The following HEATR5A variants were observed in gnomAD, a reference collection of about 807,000 sequenced individuals.
The protein encoded by HEATR5A is HEAT repeat containing 5A.
Under a neutral mutation model 218.8 loss-of-function variants are expected in HEATR5A, and 178 were observed. That is an observed-to-expected ratio of 0.81 (90% CI 0.72 to 0.92). The LOEUF (loss-of-function observed/expected upper bound fraction) is 0.92, where lower values mean the gene tolerates loss of function less well. HEATR5A is among the 40% of genes least tolerant of loss of function. The pLI is 0.00. For missense variants in HEATR5A, 2,420 were observed against 2,418.9 expected, an observed-to-expected ratio of 1.00 and a Z score of -0.01; for synonymous variants, 864 against 871.6, an observed-to-expected ratio of 0.99 and a Z score of 0.15.
intron 28 of HEATR5A, among the ~76,000 whole-genome samples, chr14:31,310,369 G>A (rs926635372): frequency 5.9e-5 from 9 of 152,170 alleles, no homozygotes; most frequent in Non-Finnish European, 1.3e-4. Context: ...GCCAGGCACA[G>A]TGGCTCATGC....
At chr14:31,309,227 A>T in intron 28 of HEATR5A, 45 bp from the exon 29 acceptor site, 1 of 1,588,246 alleles carries the variant, frequency 6.3e-7, no homozygotes, top group Middle Eastern at 1.7e-4. Flanking sequence ...AACTTCCAAT[A>T]TATTTTCTCT....
intron 28 of HEATR5A, 43 bp downstream of exon 28, chr14:31,312,925 T>A (rs552325592): frequency 2.5e-5 from 35 of 1,415,202 alleles, no homozygotes; most frequent in South Asian, 1.6e-4. Context: ...AGAAAATGTG[T>A]TACTGTCACT....
intron 14 of HEATR5A, 92 bp from the exon 15 acceptor site, chr14:31,359,149 C>T: frequency 4.1e-6 from 5 of 1,229,052 alleles, no homozygotes; most frequent in Non-Finnish European, 4.5e-6. Context: ...AATGCACCCA[C>T]TGGCCAACTT....
At chr14:31,396,014 T>C (rs1267409202) in intron 4 of HEATR5A, among the ~76,000 whole-genome samples, 1 of 152,150 alleles carries the variant, frequency 6.6e-6, no homozygotes, top group Non-Finnish European at 1.5e-5. Flanking sequence ...ATGAACCTCA[T>C]GGGTAAACAT....
intron 25 of HEATR5A, 32 bp from the exon 26 acceptor site, chr14:31,318,324 C>G (rs1450278614): frequency 1.3e-6 from 2 of 1,554,806 alleles, no homozygotes; most frequent in South Asian, 2.2e-5. Flanking sequence ...TATCAAACAT[C>G]AAGAAGTAAG....
Position 31,308,919 on chromosome 14 carries a change from A to G in HEATR5A, c.4690+15T>C. 1 of 1,598,796 alleles carries G rather than the reference A, an allele frequency of 6.3e-7. No homozygotes were observed. Among genetic ancestry groups the G allele is most frequent in the Non-Finnish European group, 8.5e-7 (1 of 1,170,468 alleles). On this transcript the variant is annotated intron_variant, in intron 29 of 35. Coordinates refer to ENST00000543095, the MANE Select transcript of HEATR5A (RefSeq NM_015473.4). Reference sequence around the variant, plus strand: ...ACCCCTAAGGTTGTAAACTTGTAAAAGTGGTTTAACTGACCTAAAATAAGA... The same window carrying G: ...ACCCCTAAGGTTGTAAACTTGTAAAGGTGGTTTAACTGACCTAAAATAAGA...
chr14:31,321,492 T>G lies in HEATR5A; in HGVS notation c.3969+7A>C. The G allele has an allele frequency of 6.4e-7, 1 of 1,565,902 alleles. No individual in the cohort carries two copies. The highest frequency in any genetic ancestry group is 8.7e-7 in the Non-Finnish European group (1 of 1,155,230). The stretch of plus-strand genomic sequence containing the variant: ...AATAATAAAATTCTCTAAAAGAAAG[T>G]GCTTACATTGGCTTGATACTGTTCC... On this transcript the variant is annotated splice_region_variant and intron_variant, in intron 25 of 35. Transcript: ENST00000543095.
chr14:31,396,841 A>G (rs1373101853), intron 4 of HEATR5A, among the ~76,000 whole-genome samples: 1 of 152,242 alleles, frequency 6.6e-6, no homozygotes, highest in African/African-American at 2.4e-5. Context: ...GAGCAACAAT[A>G]TACTTATCAG....
intron 33 of HEATR5A, among the ~76,000 whole-genome samples, chr14:31,300,161 C>T (rs1026139152): frequency 6.6e-6 from 1 of 152,164 alleles, no homozygotes; most frequent in Non-Finnish European, 1.5e-5. Context: ...TACTAATTGC[C>T]ATTCACGACT....
chr14:31,388,898 T>C lies in HEATR5A; in HGVS notation c.880A>G (p.Met294Val). 1 of 1,613,936 alleles carries C rather than the reference T, an allele frequency of 6.2e-7. No homozygotes were observed. The highest frequency in any genetic ancestry group is 8.5e-7 in the Non-Finnish European group (1 of 1,179,842). The change falls in exon 7 of 36, where the codon ATG (methionine) becomes GTG (valine). Residue 294 changes from methionine to valine, a missense_variant. Met to Val is a conservative substitution (Grantham distance 21, BLOSUM62 1). Transcript: ENST00000543095. Reference protein sequence around the residue: ...SSGFLRASGDMLKGTSSVSRD... With the variant: ...SSGFLRASGDVLKGTSSVSRD... ...CTGACTGAACTGGTTCCTTTCAGCA[T>C]ATCTCCACTGGCTCGAAGGAATCCT...
At chr14:31,383,864 A>G (rs1487107367) in intron 9 of HEATR5A, 93 bp from the exon 10 acceptor site, 64 of 942,606 alleles carry the variant, frequency 6.8e-5, no homozygotes, top group Non-Finnish European at 4.5e-6. Context: ...ATGGATATAA[A>G]ATATATTTTT....
chr14:31,390,090 G>C (rs539409567), intron 6 of HEATR5A, among the ~76,000 whole-genome samples: 84 of 152,212 alleles, frequency 5.5e-4, no homozygotes, highest in Middle Eastern at 3.4e-3. Context: ...GGTATCTGGA[G>C]AAAAAGTGTT....
At position 31,398,709 on chromosome 14, in the gene HEATR5A, T is replaced by C; in HGVS notation, c.411A>G (p.Thr137=). 6.5e-7 allele frequency: 1 copy of C among 1,530,712 alleles called. No individual in the cohort carries two copies. Among genetic ancestry groups the C allele is most frequent in the Non-Finnish European group, 8.8e-7 (1 of 1,141,656 alleles). 94.8% of individuals were successfully genotyped at this position (1,530,712 alleles called of 1,614,324 possible). A position where few individuals can be genotyped will look rare whatever the true frequency, so the allele number is the denominator to read the frequency against. The change falls in exon 4 of 36, where the codon ACA becomes ACG. Residue 137 remains threonine (T), a synonymous_variant. Coordinates refer to ENST00000543095, the MANE Select transcript of HEATR5A (RefSeq NM_015473.4). ...GRILGNTFTD[T]VGNILKAMKS... The stretch of plus-strand genomic sequence containing the variant: ...TCATAGCTTTAAGAATATTCCCCAC[T>C]GTATCAGTAAAGGTGTTACCCAGTA...
chr14:31,370,386 C>T (rs1414087812), intron 13 of HEATR5A, among the ~76,000 whole-genome samples: 3 of 151,872 alleles, frequency 2.0e-5, no homozygotes, highest in Non-Finnish European at 4.4e-5. Flanking sequence ...GTCAGGAAAC[C>T]GATATACAAT....
At chr14:31,411,037 A>G (rs1386868478) in intron 1 of HEATR5A, among the ~76,000 whole-genome samples, 1 of 152,214 alleles carries the variant, frequency 6.6e-6, no homozygotes, top group Non-Finnish European at 1.5e-5. Flanking sequence ...ACCTATGCAT[A>G]TTAAATCTAA....
At chr14:31,381,055 T>C (rs1044601620) in intron 10 of HEATR5A, among the ~76,000 whole-genome samples, 2 of 152,116 alleles carry the variant, frequency 1.3e-5, no homozygotes, top group African/African-American at 4.8e-5. Flanking sequence ...GAGACCATCC[T>C]GGCTAGCACA....
Position 31,349,939 on chromosome 14 carries a change from A to G in HEATR5A, c.2558T>C (p.Met853Thr), listed in dbSNP as rs61754287. The G allele has an allele frequency of 0.023, 36,248 of 1,605,232 alleles. 537 individuals are homozygous for G. Among genetic ancestry groups the G allele is most frequent in the Non-Finnish European group, 0.027 (31,642 of 1,175,270 alleles). The change falls in exon 18 of 36, where the codon ATG becomes ACG. Residue 853 changes from methionine (M) to threonine (T), a missense_variant. Met to Thr is a moderately conservative substitution (Grantham distance 81). Transcript: ENST00000543095. Reference protein sequence around the residue: ...GSKGCLGPEEMKRFALTLVMG... With the variant: ...GSKGCLGPEETKRFALTLVMG... ...AACTAATGTTAAGGCAAATCTTTTC[A>G]TTTCTTCTGGACCTAAACATCCCTT... is the stretch of plus-strand genomic sequence containing the variant.
At position 31,389,025 on chromosome 14, in the gene HEATR5A, T is replaced by C. The variant is rs765254132; in HGVS notation, c.773-20A>G. ...AGGCTGCTATGACAAAGAACAAAAC[T>C]GTGATTCATATTTTACAGACTAAAT... On this transcript the variant is annotated intron_variant, in intron 6 of 35. Transcript: ENST00000543095. 2.2e-5 allele frequency: 34 copies of C among 1,574,872 alleles called. No individual in the cohort carries two copies. The highest frequency in any genetic ancestry group is 3.4e-5 in the South Asian group (3 of 87,928).
At chr14:31,348,355 C>G (rs1230224232) in intron 18 of HEATR5A, among the ~76,000 whole-genome samples, 1 of 152,036 alleles carries the variant, frequency 6.6e-6, no homozygotes, top group Non-Finnish European at 1.5e-5. Flanking sequence ...GCGGGAGGAT[C>G]ACTTCAACCC....
Sources: gnomAD v4.1 joint callset for allele counts (sites outside exome capture counted in the v4.1 genomes callset) on GRCh38, gnomAD v4.1.1 for gene constraint, MANE v1.5 for transcripts, NCBI Gene and HGNC (gene_info 2026-07-23, HGNC 2026-07-21) for gene names.